The following C3orf22 variants were observed in gnomAD, a reference collection of about 807,000 sequenced individuals.
C3orf22 encodes the protein chromosome 3 open reading frame 22.
Under a neutral mutation model 10.8 loss-of-function variants are expected in C3orf22, and 7 were observed. The ratio of observed to expected loss-of-function variants is 0.65; its 90% CI spans 0.37 to 1.22. C3orf22 has a LOEUF of 1.22. Among genes scored for constraint, C3orf22 ranks in the 50% most tolerant of loss-of-function variants. The pLI is 0.02. For synonymous variants in C3orf22, 79 were observed against 78.9 expected (o/e 1.00, Z 0.00); for missense variants, 173 against 177.0 (o/e 0.98, Z 0.13).
At chr3:126,541,724 C>A in intron 4 of C3orf22, 1 of 1,446,640 alleles carries the variant, frequency 6.9e-7, no homozygotes, top group South Asian at 1.4e-5. Flanking sequence ...CGTCTCCTGT[C>A]GCCCACAGGA....
chr3:126,553,470 TG>T, intron 1 of C3orf22, 40 bp from the exon 2 acceptor site: 4 of 543,598 alleles, frequency 7.4e-6, no homozygotes, highest in Non-Finnish European at 1.3e-5. Context: ...GCAGGGGTGG[TG>T]GGGGGCAGAA....
chr3:126,541,852 G>A, intron 4 of C3orf22: 1 of 1,586,182 alleles, frequency 6.3e-7, no homozygotes, highest in Non-Finnish European at 8.6e-7. Flanking sequence ...GGCACGTGCT[G>A]GTGGACGACG....
At chr3:126,541,924 G>T in intron 4 of C3orf22, 1 of 1,596,888 alleles carries the variant, frequency 6.3e-7, no homozygotes, top group Non-Finnish European at 8.5e-7. Context: ...AGCGCGTGCT[G>T]CTGGCGCTGA....
In C3orf22 at chr3:126,556,222, G is replaced by C. The variant is rs114248885; in HGVS notation, c.-41+2405C>G. Among the ~76,000 whole-genome samples the C allele has an allele frequency of 2.6e-5, 4 of 152,218 alleles. No homozygotes were observed. The East Asian group carries it at 7.7e-4, about 29-fold the overall frequency. On this transcript the variant is annotated intron_variant, in intron 1 of 3. Transcript: ENST00000318225. Reference sequence around the variant, plus strand: ...GGAGGCCAGGCCTTTGACTCCCTCCGGCTGCAGAGATGCACTAGGCCATGC... The same window carrying C: ...GGAGGCCAGGCCTTTGACTCCCTCCCGCTGCAGAGATGCACTAGGCCATGC...
intron 4 of C3orf22, among the ~76,000 whole-genome samples, chr3:126,530,875 C>G (rs1483653972): frequency 6.6e-6 from 1 of 152,254 alleles, no homozygotes; most frequent in East Asian, 1.9e-4. Context: ...CATGCCCTGG[C>G]CACTGGAGTC....
intron 4 of C3orf22, chr3:126,542,605 G>C (rs1247227108): frequency 6.9e-7 from 1 of 1,447,234 alleles, no homozygotes; most frequent in South Asian, 1.5e-5. Context: ...GTGGCCACGC[G>C]GGGCAAGTGC....
chr3:126,541,707 CCT>C (rs1936959670), intron 4 of C3orf22: 5 of 1,429,192 alleles, frequency 3.5e-6, no homozygotes, highest in Admixed American at 5.5e-5. Context: ...GACGCGTCCC[CCT>C]GTCCCGTCTC....
At chr3:126,542,333 T>C in intron 4 of C3orf22, 2 of 1,566,698 alleles carry the variant, frequency 1.3e-6, no homozygotes, top group Non-Finnish European at 1.7e-6. Flanking sequence ...TCGCCTCCGC[T>C]ACGACGTCGT....
At chr3:126,528,600 C>T (rs951156303) in intron 5 of C3orf22, among the ~76,000 whole-genome samples, 1 of 152,032 alleles carries the variant, frequency 6.6e-6, no homozygotes, top group Non-Finnish European at 1.5e-5. Flanking sequence ...CCAGGGAGAG[C>T]CCTGGGGCCT....
intron 4 of C3orf22, chr3:126,542,195 G>A (rs1231021325): frequency 2.1e-5 from 31 of 1,442,812 alleles, no homozygotes; most frequent in Admixed American, 8.8e-5. Context: ...CGCGCTCCCC[G>A]ACGCCCGGGC....
At position 126,541,266 on chromosome 3, in the gene C3orf22, G is replaced by A. The variant is rs866648023; in HGVS notation, c.286+8271C>T. On this transcript the variant is annotated intron_variant and NMD_transcript_variant, in intron 4 of 5. Transcript: ENST00000505070. ...GAAGGTGCAAAGGAGAGTGCTGATT[G>A]GTAAGTACAGAATCAGCCCATTTAT... Among the ~76,000 whole-genome samples, 20 of 152,318 alleles carry A rather than the reference G, an allele frequency of 1.3e-4. No individual in the cohort carries two copies. The Middle Eastern group carries it at 0.01, about 78-fold the overall frequency.
Position 126,536,255 on chromosome 3 carries a change from C to G in C3orf22, c.287-6883G>C, listed in dbSNP as rs368537915. The G allele has an allele frequency of 1.2e-4, 187 of 1,611,466 alleles. 1 individual carries two copies. In the African/African-American group the frequency reaches 1.5e-3, roughly 13 times the overall value. ...CCTCTGATATGGTGGCGACATCTCT[C>G]TCCTTATGCCCACAGCATTTGGAAA... On this transcript the variant is annotated intron_variant and NMD_transcript_variant, in intron 4 of 5. Transcript: ENST00000505070.
chr3:126,555,730 T>G (rs1937312677), intron 1 of C3orf22, among the ~76,000 whole-genome samples: 2 of 152,154 alleles, frequency 1.3e-5, no homozygotes. Flanking sequence ...TAGGGACCAC[T>G]GGACTAGAGC....
At chr3:126,542,330 C>T (rs1421698672) in intron 4 of C3orf22, 3 of 1,567,420 alleles carry the variant, frequency 1.9e-6, no homozygotes, top group Non-Finnish European at 2.6e-6. Context: ...GTGTCGCCTC[C>T]GCTACGACGT....
chr3:126,556,808 C>T (rs1937347117), intron 1 of C3orf22, among the ~76,000 whole-genome samples: 1 of 140,318 alleles, frequency 7.1e-6, no homozygotes, highest in African/African-American at 2.7e-5. Flanking sequence ...CAGGCTCACC[C>T]ACACACACAG....
intron 3 of C3orf22, among the ~76,000 whole-genome samples, chr3:126,550,651 G>A (rs1041048888): frequency 2.0e-5 from 3 of 152,146 alleles, no homozygotes; most frequent in African/African-American, 7.2e-5. Flanking sequence ...GACACCCACA[G>A]CCCCCTCCCT....
chr3:126,529,126 C>T (rs963141867), intron 5 of C3orf22: 2 of 413,742 alleles, frequency 4.8e-6, no homozygotes, highest in South Asian at 1.8e-5. Context: ...ATGGCTGTGC[C>T]CTCACCCTGC....
intron 4 of C3orf22, chr3:126,529,400 G>C (rs1215982005): frequency 7.8e-7 from 1 of 1,288,938 alleles, no homozygotes; most frequent in Admixed American, 2.3e-5. Flanking sequence ...GGGGACAGGT[G>C]TCAGGACAAG....
At chr3:126,551,504 G>C (rs1937186350) in intron 3 of C3orf22, among the ~76,000 whole-genome samples, 1 of 152,198 alleles carries the variant, frequency 6.6e-6, no homozygotes, top group Admixed American at 6.5e-5. Flanking sequence ...AGGTGTGCAG[G>C]GTTTCTTTGA....
Sources: allele counts gnomAD v4.1 joint callset (sites outside exome capture counted in the v4.1 genomes callset), GRCh38; gene constraint gnomAD v4.1.1; transcripts MANE v1.5; gene names NCBI Gene and HGNC (gene_info 2026-07-23, HGNC 2026-07-21).